ITGA2: variants seen among roughly 807,000 people sequenced by gnomAD.
The protein encoded by ITGA2 is integrin subunit alpha 2.
ITGA2 carries 101 observed loss-of-function variants against 146.3 expected under a neutral mutation model. That is an observed-to-expected ratio of 0.69 (90% CI 0.59 to 0.81). ITGA2 has a LOEUF of 0.81. ITGA2 is among the 40% of genes least tolerant of loss of function. The pLI is 0.00. For missense variants in ITGA2, 1,281 were observed against 1,402.7 expected (o/e 0.91, Z 1.39); for synonymous variants, 477 against 487.1 (o/e 0.98, Z 0.27).
At chr5:53,070,868 G>T (rs1160758986) in intron 17 of ITGA2, among the ~76,000 whole-genome samples, 1 of 151,616 alleles carries the variant, frequency 6.6e-6, no homozygotes, top group East Asian at 1.9e-4. Context: ...GCATTTGAAA[G>T]GATAATTTAC....
chr5:53,069,050 C>T (rs1745268703), intron 16 of ITGA2, among the ~76,000 whole-genome samples: 1 of 151,694 alleles, frequency 6.6e-6, no homozygotes, highest in South Asian at 2.1e-4. Context: ...AATTGTACAA[C>T]ATATATGATA....
At chr5:53,024,709 G>A (rs990277095) in intron 1 of ITGA2, among the ~76,000 whole-genome samples, 1 of 152,204 alleles carries the variant, frequency 6.6e-6, no homozygotes, top group Non-Finnish European at 1.5e-5. Flanking sequence ...GGAACAGGCA[G>A]CTGCAAAGCG....
Position 53,055,549 on chromosome 5 carries a change from A to C in ITGA2, c.791A>C (p.Tyr264Ser). 6.2e-7 allele frequency: 1 copy of C among 1,612,962 alleles called. No individual in the cohort carries two copies. Among genetic ancestry groups the C allele is most frequent in the Non-Finnish European group, 8.5e-7 (1 of 1,179,194 alleles). Residue 264 changes from tyrosine to serine, a missense_variant, in exon 8 of 30, where the codon TAT becomes TCT. Tyr to Ser is a moderately radical substitution (Grantham distance 144). This residue lies in a region of ITGA2 where 795 missense variants were observed against 841.7 expected (regional missense o/e 0.94). Coordinates refer to ENST00000296585, the MANE Select transcript of ITGA2 (RefSeq NM_002203.4). ...GAIQYARKYA[Y>S]SAASGGRRSA... ...TTTATCTGCCACAGAAAATATGCTT[A>C]TTCAGCAGCTTCTGGTGGGCGACGA...
intron 3 of ITGA2, among the ~76,000 whole-genome samples, chr5:53,043,978 A>G (rs1474119330): frequency 1.3e-5 from 2 of 152,034 alleles, no homozygotes; most frequent in Non-Finnish European, 2.9e-5. Context: ...AGGCTTGAAA[A>G]GAAGGGGTGA....
At chr5:53,016,549 G>T (rs527453463) in intron 1 of ITGA2, among the ~76,000 whole-genome samples, 2 of 152,088 alleles carry the variant, frequency 1.3e-5, no homozygotes, top group African/African-American at 4.8e-5. Context: ...TGGAGAATCC[G>T]ATGACTATGT....
chr5:53,073,038 T>C, intron 19 of ITGA2, 80 bp from the exon 20 acceptor site: 1 of 1,458,342 alleles, frequency 6.9e-7, no homozygotes, highest in Non-Finnish European at 9.5e-7. Flanking sequence ...AGTTTAGTTT[T>C]TTAATGAGTG....
chr5:53,044,322 A>G (rs1358890635), intron 3 of ITGA2, among the ~76,000 whole-genome samples: 1 of 144,648 alleles, frequency 6.9e-6, no homozygotes, highest in Non-Finnish European at 1.5e-5. Flanking sequence ...GTGAACTTTT[A>G]CAACAGTCAC....
chr5:53,057,935 G>T, intron 9 of ITGA2, 90 bp from the exon 10 acceptor site: 1 of 845,318 alleles, frequency 1.2e-6, no homozygotes, highest in Non-Finnish European at 2.0e-6. Context: ...TGTGTTTGTA[G>T]GCATGTGTGT....
At chr5:53,045,232 C>CAATGTTGAATATTCAAAAT (rs1196303742) in intron 4 of ITGA2, 140 bp downstream of exon 4, 9 of 716,218 alleles carry the variant, frequency 1.3e-5, no homozygotes, top group Non-Finnish European at 2.3e-5. Flanking sequence ...TTTGGCTATC[C>CAATGTTGAATATTCAAAAT]AATGTTGAAT....
At chr5:53,002,949 AT>A (rs901026040) in intron 1 of ITGA2, among the ~76,000 whole-genome samples, 35 of 152,172 alleles carry the variant, frequency 2.3e-4, no homozygotes, top group Admixed American at 1.3e-4. Context: ...TTGAAAAAAA[AT>A]ATTTTTAGAT....
intron 1 of ITGA2, among the ~76,000 whole-genome samples, chr5:53,014,237 T>A (rs983308314): frequency 3.3e-5 from 5 of 152,180 alleles, no homozygotes; most frequent in African/African-American, 1.2e-4. Context: ...GCTGTGGGTT[T>A]GTCATAGATG....
Position 53,053,023 on chromosome 5 carries a change from C to A in ITGA2, c.779+1464C>A, listed in dbSNP as rs142956266. On this transcript the variant is annotated intron_variant, in intron 7 of 29. Coordinates refer to ENST00000296585, the MANE Select transcript of ITGA2 (RefSeq NM_002203.4). ...CAATCTGTCCCACACTGGCCTTATT[C>A]TTTTCCCTACCACTCCTCATGAACT... is the stretch of plus-strand genomic sequence containing the variant. Among the ~76,000 whole-genome samples the A allele has an allele frequency of 6.5e-3, 986 of 152,256 alleles. 5 individuals carry two copies. Among genetic ancestry groups the A allele is most frequent in the South Asian group, 0.01 (49 of 4,826 alleles).
At chr5:53,029,390 A>G (rs1353360423) in intron 2 of ITGA2, among the ~76,000 whole-genome samples, 1 of 152,132 alleles carries the variant, frequency 6.6e-6, no homozygotes, top group African/African-American at 2.4e-5. Context: ...TCTGCTTTCT[A>G]TGCTCCAAGA....
At position 53,046,590 on chromosome 5, in the gene ITGA2, T is replaced by G. The variant is rs3212471; in HGVS notation, c.387+1498T>G. Among the ~76,000 whole-genome samples, 364 of 152,020 alleles carry G rather than the reference T, an allele frequency of 2.4e-3. 2 individuals carry two copies. Among genetic ancestry groups the G allele is most frequent in the African/African-American group, 8.6e-3 (357 of 41,476 alleles). On this transcript the variant is annotated intron_variant, in intron 4 of 29. Transcript: ENST00000296585. ...AGAGATTACAGAATGTGCCTCAAAA[T>G]TTTTAATCTATAACTCCAGATAAAG... is the stretch of plus-strand genomic sequence containing the variant.
At chr5:53,083,677 G>A (rs1746028195) in intron 27 of ITGA2, among the ~76,000 whole-genome samples, 2 of 152,162 alleles carry the variant, frequency 1.3e-5, no homozygotes, top group Non-Finnish European at 2.9e-5. Context: ...GAAAGGGTCT[G>A]TTTCTCAGAC....
At chr5:53,089,696 T>G (rs532795153) in intron 28 of ITGA2, among the ~76,000 whole-genome samples, 2 of 152,356 alleles carry the variant, frequency 1.3e-5, no homozygotes, top group African/African-American at 4.8e-5. Flanking sequence ...TCAGGCATGA[T>G]GTAGCCACAA....
chr5:53,082,674 C>A (rs1054822893), intron 26 of ITGA2, among the ~76,000 whole-genome samples: 2 of 152,150 alleles, frequency 1.3e-5, no homozygotes, highest in Non-Finnish European at 2.9e-5. Context: ...ATTACTATAT[C>A]ATTATCAACC....
intron 1 of ITGA2, among the ~76,000 whole-genome samples, chr5:53,016,172 T>G (rs1247243473): frequency 2.0e-5 from 3 of 152,216 alleles, no homozygotes; most frequent in African/African-American, 7.2e-5. Context: ...AGTTGCTTTA[T>G]AGTGTCAATG....
Position 53,073,217 on chromosome 5 carries a change from T to A in ITGA2, c.2529T>A (p.Val843=), listed in dbSNP as rs770345729. ...RESAYNTGIV[V]DFSENLFFAS... ...GTGCATACAACACTGGAATTGTTGTTGATTTTTCAGAAAACTTGTTTTTTG... is the reference window on the plus strand; with the variant it reads ...GTGCATACAACACTGGAATTGTTGTAGATTTTTCAGAAAACTTGTTTTTTG... The change falls in exon 20 of 30, where the codon GTT becomes GTA. Residue 843 remains valine (V), a synonymous_variant. Transcript: ENST00000296585. The A allele has an allele frequency of 6.2e-7, 1 of 1,612,604 alleles. No individual in the cohort carries two copies. The highest frequency in any genetic ancestry group is 2.2e-5 in the East Asian group (1 of 44,808).
Sources: gnomAD v4.1 joint callset for allele counts (sites outside exome capture counted in the v4.1 genomes callset) on GRCh38, gnomAD v4.1.1 for gene constraint, gnomAD v4.1.1 regional missense constraint, MANE v1.5 for transcripts, NCBI Gene and HGNC (gene_info 2026-07-23, HGNC 2026-07-21) for gene names.